The following STXBP4 variants were observed in gnomAD, a reference collection of about 807,000 sequenced individuals.
STXBP4 encodes the protein syntaxin binding protein 4, also known as syntaxin-binding protein 4.
STXBP4 carries 55 observed loss-of-function variants against 76.1 expected under a neutral mutation model. That is an observed-to-expected ratio of 0.72 (90% CI 0.58 to 0.91). The LOEUF is 0.91. Ranked by LOEUF, STXBP4 falls within the 40% of genes least tolerant of loss-of-function variation. The pLI, the probability that STXBP4 is intolerant of heterozygous loss-of-function variation, is 0.00. For missense variants in STXBP4, 618 were observed against 636.9 expected (o/e 0.97, Z 0.32); for synonymous variants, 201 against 220.2 (o/e 0.91, Z 0.77).
chr17:55,010,921 TGACCTTAGTCATTTAATAAATTATTG>T (rs2078099002), intron 8 of STXBP4, among the ~76,000 whole-genome samples: 1 of 152,246 alleles, frequency 6.6e-6, no homozygotes, highest in Non-Finnish European at 1.5e-5. Context: ...GATTAAAAGA[TGACCTTAGTCATTTAATAAATTATTG>T]GAACCAACTT....
chr17:55,174,342 GT>G (rs1306095648), downstream of STXBP4, among the ~76,000 whole-genome samples: 3 of 152,240 alleles, frequency 2.0e-5, no homozygotes, highest in African/African-American at 7.2e-5. Flanking sequence ...CCATGCCCTT[GT>G]CAACACTTGG....
intron 13 of STXBP4, 74 bp from the exon 14 acceptor site, chr17:55,078,003 TA>T: frequency 1.1e-6 from 1 of 916,638 alleles, no homozygotes; most frequent in Non-Finnish European, 1.7e-6. Context: ...TATTAGTTCA[TA>T]AAAACTGAAA....
intron 10 of STXBP4, among the ~76,000 whole-genome samples, chr17:55,039,031 G>A (rs563812825): frequency 1.4e-4 from 21 of 152,146 alleles, no homozygotes; most frequent in Non-Finnish European, 2.2e-4. Flanking sequence ...ACGAAAACAC[G>A]AAATATATAT....
intron 10 of STXBP4, 106 bp from the exon 11 acceptor site, chr17:55,043,130 G>T: frequency 4.3e-6 from 2 of 467,050 alleles, no homozygotes; most frequent in Non-Finnish European, 3.6e-6. Context: ...ACTGAATTTT[G>T]TTATTAGAAT....
At chr17:55,125,602 C>T (rs1406274125) in intron 16 of STXBP4, among the ~76,000 whole-genome samples, 1 of 151,594 alleles carries the variant, frequency 6.6e-6, no homozygotes, top group Non-Finnish European at 1.5e-5. Context: ...CCTGTTTGTC[C>T]TACTTTTAGA....
intron 8 of STXBP4, among the ~76,000 whole-genome samples, chr17:55,021,989 G>A (rs138502100): frequency 1.3e-4 from 19 of 151,960 alleles, no homozygotes; most frequent in African/African-American, 4.6e-4. Flanking sequence ...CAGTGGCATT[G>A]TTTATATTAG....
the STXBP4 span, among the ~76,000 whole-genome samples, chr17:55,206,492 T>G: frequency 6.6e-6 from 1 of 152,168 alleles, no homozygotes; most frequent in Non-Finnish European, 1.5e-5. Flanking sequence ...GTAGAGAGAA[T>G]GTCTTCTCTT....
rs117671984 is a variant in STXBP4 at position 55,142,111 on chromosome 17, C to G, written c.1547+744C>G. Among the ~76,000 whole-genome samples, 1,337 of 152,278 alleles carry G rather than the reference C, an allele frequency of 8.8e-3. 8 individuals are homozygous for G. The highest frequency in any genetic ancestry group is 0.048 in the Middle Eastern group (14 of 294). ...GTCAAAGTCTTCTGACCGCAAGATT[C>G]TACTATCTGCACTAGACTGTCACTG... is the stretch of plus-strand genomic sequence containing the variant. On this transcript the variant is annotated intron_variant, in intron 17 of 17. Transcript: ENST00000376352.
the STXBP4 span, among the ~76,000 whole-genome samples, chr17:55,206,754 G>A: frequency 6.6e-6 from 1 of 151,624 alleles, no homozygotes; most frequent in Non-Finnish European, 1.5e-5. Flanking sequence ...CTACTCAAGA[G>A]GCTGAGGCAG....
intron 1 of STXBP4, among the ~76,000 whole-genome samples, chr17:54,974,573 A>C (rs543899808): frequency 4.9e-4 from 74 of 152,244 alleles, no homozygotes; most frequent in Non-Finnish European, 9.6e-4. Flanking sequence ...CAGCTTCATG[A>C]AAATATGACC....
At position 55,096,747 on chromosome 17, in the gene STXBP4, C is replaced by G. The variant is rs186809691; in HGVS notation, c.1489+15564C>G. 3.5e-4 allele frequency among the ~76,000 whole-genome samples: 53 copies of G among 151,660 alleles called. No individual in the cohort carries two copies. The East Asian group carries it at 0.01, about 29-fold the overall frequency. On this transcript the variant is annotated intron_variant, in intron 16 of 17. Transcript: ENST00000376352. Reference sequence around the variant, plus strand: ...GCTCTCTTTGGGACTATTTGCGTAACAATACATAAAAAGGTAATAATAAAT... The same window carrying G: ...GCTCTCTTTGGGACTATTTGCGTAAGAATACATAAAAAGGTAATAATAAAT...
At chr17:55,103,522 G>A (rs1230304048) in intron 16 of STXBP4, among the ~76,000 whole-genome samples, 1 of 150,990 alleles carries the variant, frequency 6.6e-6, no homozygotes, top group Non-Finnish European at 1.5e-5. Context: ...ATGCTGTTTT[G>A]GTTACTGTGG....
At chr17:55,139,982 G>A (rs1030755854) in intron 16 of STXBP4, among the ~76,000 whole-genome samples, 59 of 152,176 alleles carry the variant, frequency 3.9e-4, no homozygotes, top group African/African-American at 1.3e-3. Flanking sequence ...AGCAAATGGC[G>A]ATAGAGTAAG....
chr17:54,999,796 C>T lies in STXBP4; in HGVS notation c.452C>T (p.Thr151Ile). 3 of 1,613,464 alleles carry T rather than the reference C, an allele frequency of 1.9e-6. No individual in the cohort carries two copies. Among genetic ancestry groups the T allele is most frequent in the Non-Finnish European group, 2.5e-6 (3 of 1,179,662 alleles). ...CCTCCTGAAATACTAATCCCAAAGACCTCATCCACTCCCAAAACAAATAAT... is the reference window on the plus strand; with the variant it reads ...CCTCCTGAAATACTAATCCCAAAGATCTCATCCACTCCCAAAACAAATAAT... Reference protein sequence around the residue: ...SSPPEILIPKTSSTPKTNNDI... With the variant: ...SSPPEILIPKISSTPKTNNDI... The change falls in exon 6 of 18, where the codon ACC becomes ATC. Residue 151 changes from threonine to isoleucine, a missense_variant. Thr to Ile is a moderately conservative substitution (Grantham distance 89, BLOSUM62 -1). Transcript: ENST00000376352.
intron 14 of STXBP4, 50 bp from the exon 15 acceptor site, chr17:55,078,636 T>C (rs1478304345): frequency 2.5e-6 from 3 of 1,179,050 alleles, no homozygotes; most frequent in Non-Finnish European, 3.7e-6. Context: ...AGATATTTTT[T>C]AAAAACTGTC....
At chr17:54,974,370 G>A (rs375757963) in intron 1 of STXBP4, among the ~76,000 whole-genome samples, 5 of 152,198 alleles carry the variant, frequency 3.3e-5, no homozygotes, top group African/African-American at 4.8e-5. Flanking sequence ...CCCTGAAGTC[G>A]TCTCAGTCAG....
intron 1 of STXBP4, among the ~76,000 whole-genome samples, chr17:54,969,587 T>A (rs1211073287): frequency 6.6e-6 from 1 of 152,204 alleles, no homozygotes. Context: ...TCATATAACG[T>A]CTTTCATGAT....
At chr17:55,057,856 A>C (rs2078948442) in intron 12 of STXBP4, among the ~76,000 whole-genome samples, 1 of 152,148 alleles carries the variant, frequency 6.6e-6, no homozygotes, top group African/African-American at 2.4e-5. Flanking sequence ...TTCCAGCTTC[A>C]TCCATGTATC....
rs59263278 is a variant in STXBP4 at position 55,111,464 on chromosome 17, A to G, written c.1490-29846A>G. Among the ~76,000 whole-genome samples the G allele has an allele frequency of 2.2e-3, 328 of 152,206 alleles. 1 individual carries two copies. The highest frequency in any genetic ancestry group is 6.4e-3 in the African/African-American group (266 of 41,538). ...ATCTCATGTTGAAATGTAATCCCCAATGTTGGAGGTGGGGCCTGGTGGGAG... is the reference window on the plus strand; with the variant it reads ...ATCTCATGTTGAAATGTAATCCCCAGTGTTGGAGGTGGGGCCTGGTGGGAG... On this transcript the variant is annotated intron_variant, in intron 16 of 17. Coordinates refer to ENST00000376352, the MANE Select transcript of STXBP4 (RefSeq NM_178509.6).
Sources: allele counts gnomAD v4.1 joint callset (sites outside exome capture counted in the v4.1 genomes callset), GRCh38; gene constraint gnomAD v4.1.1; transcripts MANE v1.5; gene names NCBI Gene and HGNC (gene_info 2026-07-23, HGNC 2026-07-21).